LRMDA: variants seen among roughly 807,000 people sequenced by gnomAD.
The protein encoded by LRMDA is leucine rich melanocyte differentiation associated, also known as leucine-rich melanocyte differentiation-associated protein.
A neutral mutation model predicts 29.8 loss-of-function variants in LRMDA; 18 were observed. The observed-to-expected ratio is 0.60, with a 90% confidence interval of 0.42 to 0.90. The LOEUF is 0.90. LRMDA is among the 40% of genes least tolerant of loss of function. The probability of loss-of-function intolerance (pLI) is 0.00; values close to 1 mark genes in which losing one functional copy is unlikely to be tolerated. For synonymous variants in LRMDA, 125 were observed against 109.4 expected, an observed-to-expected ratio of 1.14 and a Z score of -0.89; for missense variants, 273 against 273.9, an observed-to-expected ratio of 1.00 and a Z score of 0.02.
chr10:75,852,122 C>G (rs1465510095), intron 2 of LRMDA, among the ~76,000 whole-genome samples: 2 of 151,992 alleles, frequency 1.3e-5, no homozygotes, highest in African/African-American at 4.8e-5. Context: ...ATGGCAGGAT[C>G]CAAAAAAAGG....
chr10:76,019,116 T>A (rs1221081777), intron 2 of LRMDA, among the ~76,000 whole-genome samples: 1 of 152,146 alleles, frequency 6.6e-6, no homozygotes, highest in Non-Finnish European at 1.5e-5. Context: ...ACAGCAAATT[T>A]TATGGTCATC....
chr10:75,646,098 C>A (rs963183832), intron 2 of LRMDA, among the ~76,000 whole-genome samples: 1 of 151,650 alleles, frequency 6.6e-6, no homozygotes, highest in Non-Finnish European at 1.5e-5. Context: ...CCCCCACATT[C>A]TTTTCCTATG....
intron 2 of LRMDA, among the ~76,000 whole-genome samples, chr10:75,918,832 TGTTTA>T (rs1589253192): frequency 6.6e-6 from 1 of 152,178 alleles, no homozygotes. Flanking sequence ...TTTATTCACC[TGTTTA>T]GTTTAAAGAC....
intron 2 of LRMDA, among the ~76,000 whole-genome samples, chr10:75,859,839 ATTTC>A (rs1487920846): frequency 2.6e-5 from 4 of 151,896 alleles, no homozygotes; most frequent in African/African-American, 9.7e-5. Flanking sequence ...ATTCTCCTGT[ATTTC>A]TTCTAAAACT....
At chr10:75,577,743 TAAAGA>T (rs1477081513) in intron 2 of LRMDA, among the ~76,000 whole-genome samples, 1 of 152,154 alleles carries the variant, frequency 6.6e-6, no homozygotes, top group Non-Finnish European at 1.5e-5. Context: ...TCAACATTCT[TAAAGA>T]AAAGAATTTT....
At chr10:75,766,568 TTTTC>T (rs1420386963) in intron 2 of LRMDA, among the ~76,000 whole-genome samples, 3 of 152,172 alleles carry the variant, frequency 2.0e-5, no homozygotes, top group African/African-American at 7.2e-5. Context: ...CTTTTTTTCT[TTTTC>T]TTTCTTTCTT....
intron 2 of LRMDA, among the ~76,000 whole-genome samples, chr10:75,621,651 G>A (rs1325694796): frequency 6.6e-6 from 1 of 152,172 alleles, no homozygotes; most frequent in African/African-American, 2.4e-5. Flanking sequence ...AAGAGGGGGA[G>A]GCCTATGAAC....
At chr10:76,551,323 T>G (rs1843492004) in intron 6 of LRMDA, among the ~76,000 whole-genome samples, 1 of 152,230 alleles carries the variant, frequency 6.6e-6, no homozygotes, top group Non-Finnish European at 1.5e-5. Flanking sequence ...GTTTCAAATG[T>G]CTGAAGTCAT....
intron 2 of LRMDA, among the ~76,000 whole-genome samples, chr10:75,499,991 C>T (rs892492644): frequency 5.9e-5 from 9 of 152,172 alleles, no homozygotes; most frequent in African/African-American, 9.7e-5. Context: ...ATTTCCTCAT[C>T]GGTTGAGAAA....
intron 2 of LRMDA, among the ~76,000 whole-genome samples, chr10:75,693,983 TTAA>T (rs1842202210): frequency 6.6e-6 from 1 of 152,244 alleles, no homozygotes; most frequent in African/African-American, 2.4e-5. Flanking sequence ...ATTTTTGCTG[TTAA>T]TAATGTTCTG....
intron 6 of LRMDA, among the ~76,000 whole-genome samples, chr10:76,459,639 A>G (rs1409978250): frequency 6.6e-6 from 1 of 152,128 alleles, no homozygotes; most frequent in Non-Finnish European, 1.5e-5. Context: ...GGTTGCTGTA[A>G]ATGCTTCCTA....
intron 2 of LRMDA, among the ~76,000 whole-genome samples, chr10:76,005,748 G>A (rs1847640396): frequency 6.6e-6 from 1 of 152,102 alleles, no homozygotes; most frequent in Admixed American, 6.5e-5. Flanking sequence ...GGCTAACACA[G>A]TGAAACCCAG....
At chr10:75,447,066 A>G (rs1844404388) in intron 2 of LRMDA, among the ~76,000 whole-genome samples, 1 of 152,242 alleles carries the variant, frequency 6.6e-6, no homozygotes, top group South Asian at 2.1e-4. Context: ...GGTAGAAAAG[A>G]TAGACTTTAG....
intron 5 of LRMDA, among the ~76,000 whole-genome samples, chr10:76,292,961 G>T (rs184683510): frequency 6.6e-6 from 1 of 152,150 alleles, no homozygotes; most frequent in South Asian, 2.1e-4. Flanking sequence ...GGGAAACAGT[G>T]TGTGTATTTA....
intron 2 of LRMDA, among the ~76,000 whole-genome samples, chr10:75,762,038 C>T (rs1158388673): frequency 6.6e-6 from 1 of 152,106 alleles, no homozygotes; most frequent in Non-Finnish European, 1.5e-5. Context: ...GTCTTAAACT[C>T]CTAAGCTCAA....
At chr10:75,772,872 G>A (rs895139030) in intron 2 of LRMDA, among the ~76,000 whole-genome samples, 1 of 127,842 alleles carries the variant, frequency 7.8e-6, no homozygotes, top group Non-Finnish European at 1.7e-5. Flanking sequence ...GGTGGGATGG[G>A]GGGGGGCAGA....
At chr10:75,837,076 T>A (rs1564581859) in intron 2 of LRMDA, among the ~76,000 whole-genome samples, 1 of 152,174 alleles carries the variant, frequency 6.6e-6, no homozygotes, top group African/African-American at 2.4e-5. Context: ...ATACTGATAT[T>A]GATATAGATA....
chr10:76,301,769 A>T (rs1194403671), intron 5 of LRMDA, among the ~76,000 whole-genome samples: 1 of 152,216 alleles, frequency 6.6e-6, no homozygotes, highest in Non-Finnish European at 1.5e-5. Context: ...AATAGGAGCT[A>T]TATGGGATAA....
chr10:76,110,591 G>A (rs1414126192), intron 5 of LRMDA, among the ~76,000 whole-genome samples: 1 of 152,150 alleles, frequency 6.6e-6, no homozygotes, highest in East Asian at 1.9e-4. Context: ...CCCACGGGGA[G>A]GTAATTGAAT....
Sources: gnomAD v4.1 joint callset for allele counts (sites outside exome capture counted in the v4.1 genomes callset) on GRCh38, gnomAD v4.1.1 for gene constraint, MANE v1.5 for transcripts, NCBI Gene and HGNC (gene_info 2026-07-23, HGNC 2026-07-21) for gene names.